NEGR1: variants seen among roughly 807,000 people sequenced by gnomAD.
The protein encoded by NEGR1 is IgLON family member 4.
NEGR1 carries 10 observed loss-of-function variants against 40.9 expected under a neutral mutation model. That is an observed-to-expected ratio of 0.24 (90% CI 0.15 to 0.42). NEGR1 has a LOEUF of 0.42. NEGR1 is among the 10% of genes least tolerant of loss of function. The probability of loss-of-function intolerance (pLI) is 1.00; values close to 1 mark genes in which losing one functional copy is unlikely to be tolerated. For missense variants in NEGR1, 352 were observed against 438.9 expected, an observed-to-expected ratio of 0.80 and a Z score of 1.77; for synonymous variants, 185 against 166.8, an observed-to-expected ratio of 1.11 and a Z score of -0.84.
chr1:72,118,944 A>T (rs1179079909), intron 1 of NEGR1, among the ~76,000 whole-genome samples: 2 of 151,658 alleles, frequency 1.3e-5, no homozygotes, highest in Non-Finnish European at 2.9e-5. Context: ...CCACAATATT[A>T]AAAAAACTTG....
chr1:72,127,260 T>C (rs1052268377), intron 1 of NEGR1, among the ~76,000 whole-genome samples: 1 of 151,770 alleles, frequency 6.6e-6, no homozygotes, highest in Non-Finnish European at 1.5e-5. Flanking sequence ...GTCAGGAGAT[T>C]GAGACCATCC....
At chr1:72,082,464 G>A (rs1023651097) in intron 1 of NEGR1, among the ~76,000 whole-genome samples, 3 of 152,058 alleles carry the variant, frequency 2.0e-5, no homozygotes, top group Non-Finnish European at 4.4e-5. Context: ...TCCACATAGA[G>A]AAATTTGTTA....
intron 1 of NEGR1, among the ~76,000 whole-genome samples, chr1:72,048,272 C>T (rs372177371): frequency 3.3e-5 from 5 of 151,742 alleles, no homozygotes; most frequent in East Asian, 3.9e-4. Context: ...CATTACCTTA[C>T]AGAATGTTAG....
intron 3 of NEGR1, among the ~76,000 whole-genome samples, chr1:71,724,681 C>T (rs567388029): frequency 2.0e-5 from 3 of 152,136 alleles, no homozygotes; most frequent in African/African-American, 7.2e-5. Flanking sequence ...TTGGAACCAG[C>T]ACAATGCTCA....
intron 6 of NEGR1, among the ~76,000 whole-genome samples, chr1:71,428,106 A>T (rs1646441285): frequency 6.6e-6 from 1 of 152,174 alleles, no homozygotes; most frequent in Non-Finnish European, 1.5e-5. Flanking sequence ...GAAGACTGAG[A>T]ATTCTAATTA....
chr1:71,651,721 T>C (rs1651724298), intron 4 of NEGR1, among the ~76,000 whole-genome samples: 1 of 152,114 alleles, frequency 6.6e-6, no homozygotes, highest in African/African-American at 2.4e-5. Context: ...ATATATCCTG[T>C]ATATTAGTAT....
chr1:72,148,456 G>T (rs1404132279), intron 1 of NEGR1, among the ~76,000 whole-genome samples: 1 of 151,982 alleles, frequency 6.6e-6, no homozygotes. Context: ...CCATGGTGTT[G>T]GGGACTAACA....
chr1:71,912,747 A>G (rs1322753831), intron 2 of NEGR1, among the ~76,000 whole-genome samples: 1 of 152,188 alleles, frequency 6.6e-6, no homozygotes, highest in East Asian at 1.9e-4. Context: ...TCTCAAATAT[A>G]TTTGTTAATA....
At chr1:72,112,417 T>C (rs1569984428) in intron 1 of NEGR1, among the ~76,000 whole-genome samples, 1 of 151,908 alleles carries the variant, frequency 6.6e-6, no homozygotes, top group Non-Finnish European at 1.5e-5. Flanking sequence ...ATATATCCAT[T>C]GTTTTCACAT....
chr1:71,998,469 G>C (rs1266832312), intron 1 of NEGR1, among the ~76,000 whole-genome samples: 1 of 151,688 alleles, frequency 6.6e-6, no homozygotes, highest in Non-Finnish European at 1.5e-5. Flanking sequence ...TTTCATTCCA[G>C]CTTCATAATG....
At chr1:72,252,770 A>G (rs1359458678) in intron 1 of NEGR1, among the ~76,000 whole-genome samples, 1 of 152,184 alleles carries the variant, frequency 6.6e-6, no homozygotes, top group Non-Finnish European at 1.5e-5. Context: ...TTGGGGGTAC[A>G]GACTCTCTGA....
rs1404996218 is a variant in NEGR1, at chr1:71,398,192, T to G, written c.*9254A>C. On this transcript the variant is annotated 3_prime_UTR_variant, in exon 7 of 7. Transcript: ENST00000357731. ...AATGTGGAGTGAGCCCCACACAGAG[T>G]CCCTACTGGGACACCACGTAGTGGA... 1 of 151,938 alleles carries G rather than the reference T, an allele frequency of 6.6e-6. No individual in the cohort carries two copies. The highest frequency in any genetic ancestry group is 2.4e-5 in the African/African-American group (1 of 41,340). 9.4% of individuals were successfully genotyped at this position (151,938 alleles called of 1,614,324 possible). A position where few individuals can be genotyped will look rare whatever the true frequency, so the allele number is the denominator to read the frequency against.
At chr1:71,779,644 T>A (rs888042487) in intron 2 of NEGR1, among the ~76,000 whole-genome samples, 2 of 152,078 alleles carry the variant, frequency 1.3e-5, no homozygotes, top group Non-Finnish European at 2.9e-5. Flanking sequence ...CTCCGCTCAC[T>A]GCAACTCCTG....
chr1:71,831,848 T>G (rs1257359153), intron 2 of NEGR1, among the ~76,000 whole-genome samples: 1 of 151,598 alleles, frequency 6.6e-6, no homozygotes, highest in Non-Finnish European at 1.5e-5. Flanking sequence ...CATACTGCTT[T>G]TAAGTGTGGT....
In NEGR1 at chr1:71,407,484, T is replaced by C; in HGVS notation, c.1027A>G (p.Thr343Ala). 1 of 1,612,224 alleles carries C rather than the reference T, an allele frequency of 6.2e-7. No individual in the cohort carries two copies. The highest frequency in any genetic ancestry group is 1.1e-5 in the South Asian group (1 of 91,018). ...GCATTCTTCAGGTAGAATATGCTGG[T>C]GAAAGAGGACAGTGTCAACACAAGG... ...WYLVLTLSSFTSIFYLKNAIL... is the reference protein window; with the variant it reads ...WYLVLTLSSFASIFYLKNAIL... Residue 343 changes from threonine (T) to alanine (A), a missense_variant, in exon 7 of 7, where the codon ACC becomes GCC. By Grantham distance (58) the Thr-to-Ala change is moderately conservative. This residue lies in a region of NEGR1 where 184 missense variants were observed against 208.7 expected (regional missense o/e 0.88). Coordinates refer to ENST00000357731, the MANE Select transcript of NEGR1 (RefSeq NM_173808.3).
At chr1:71,850,137 T>G (rs12749550) in intron 2 of NEGR1, among the ~76,000 whole-genome samples, 16 of 93,404 alleles carry the variant, frequency 1.7e-4, no homozygotes, top group East Asian at 1.5e-3. Context: ...TACTGTCTTT[T>G]TTTGTTTGTT....
chr1:71,798,781 C>T (rs1557656346), intron 2 of NEGR1, among the ~76,000 whole-genome samples: 2 of 152,158 alleles, frequency 1.3e-5, no homozygotes, highest in East Asian at 3.9e-4. Context: ...AAACATATTT[C>T]GTGGAGAAAC....
chr1:72,229,505 T>C (rs1654290912), intron 1 of NEGR1, among the ~76,000 whole-genome samples: 1 of 149,624 alleles, frequency 6.7e-6, no homozygotes, highest in African/African-American at 2.4e-5. Context: ...ATACATTATG[T>C]TTTAAATTTT....
Position 71,404,342 on chromosome 1 carries a change from C to T in NEGR1, c.*3104G>A, listed in dbSNP as rs1646264399. 1 of 151,978 alleles carries T rather than the reference C, an allele frequency of 6.6e-6. No individual in the cohort carries two copies. The highest frequency in any genetic ancestry group is 2.1e-4 in the South Asian group (1 of 4,822). 9.4% of individuals were successfully genotyped at this position (151,978 alleles called of 1,614,324 possible). ...TCTTTTAGTGTCTCAAAAACACCCA[C>T]ATTACTATAACTTGGGCAGTACTTT... On this transcript the variant is annotated 3_prime_UTR_variant, in exon 7 of 7. Coordinates refer to ENST00000357731, the MANE Select transcript of NEGR1 (RefSeq NM_173808.3).
Sources: gnomAD v4.1 joint callset for allele counts (sites outside exome capture counted in the v4.1 genomes callset) on GRCh38, gnomAD v4.1.1 for gene constraint, gnomAD v4.1.1 regional missense constraint, MANE v1.5 for transcripts, NCBI Gene and HGNC (gene_info 2026-07-23, HGNC 2026-07-21) for gene names.